Variants in BCKDHB observed in about 807,000 individuals in gnomAD.
The protein encoded by BCKDHB is 2-oxoisovalerate dehydrogenase subunit beta, mitochondrial.
Under a neutral mutation model 48.5 loss-of-function variants are expected in BCKDHB, and 41 were observed. That is an observed-to-expected ratio of 0.85 (90% CI 0.66 to 1.10). The LOEUF (loss-of-function observed/expected upper bound fraction) is 1.10, where lower values mean the gene tolerates loss of function less well. Among genes scored for constraint, BCKDHB ranks in the 50% least tolerant of loss-of-function variants. The pLI is 0.00. For synonymous variants in BCKDHB, 201 were observed against 174.8 expected (o/e 1.15, Z -1.18); for missense variants, 496 against 494.2 (o/e 1.00, Z -0.03).
intron 8 of BCKDHB, among the ~76,000 whole-genome samples, chr6:80,209,974 T>A (rs760083480): frequency 1.3e-5 from 2 of 151,972 alleles, no homozygotes; most frequent in African/African-American, 4.8e-5. Context: ...CTTGAAAAGG[T>A]ACACTAAGTG....
At chr6:80,447,690 T>A in the BCKDHB span, among the ~76,000 whole-genome samples, 3 of 152,138 alleles carry the variant, frequency 2.0e-5, no homozygotes, top group African/African-American at 7.2e-5. Context: ...TTTGTGTAAA[T>A]AGAATTATAC....
At chr6:80,380,677 T>G in the BCKDHB span, among the ~76,000 whole-genome samples, 1 of 151,710 alleles carries the variant, frequency 6.6e-6, no homozygotes, top group Non-Finnish European at 1.5e-5. Flanking sequence ...TATTTGCAAA[T>G]TATTCCTCTG....
chr6:80,164,456 T>C (rs1772476295), intron 3 of BCKDHB, among the ~76,000 whole-genome samples: 1 of 152,180 alleles, frequency 6.6e-6, no homozygotes, highest in African/African-American at 2.4e-5. Context: ...TTAAAAATCA[T>C]AGTAGTTTCC....
rs577235918 is a variant in BCKDHB at position 80,189,976 on chromosome 6, T to TG, written c.743-10956dup. 5.7e-3 allele frequency among the ~76,000 whole-genome samples: 872 copies of TG among 152,278 alleles called. 10 individuals are homozygous for TG. Among genetic ancestry groups the TG allele is most frequent in the Non-Finnish European group, 7.3e-3 (497 of 68,000 alleles). On this transcript the variant is annotated intron_variant, in intron 6 of 9. Coordinates refer to ENST00000320393, the MANE Select transcript of BCKDHB (RefSeq NM_183050.4). ...TAGTTTCTGGCTATGTAAATAAACTTGGAGTTCTTCATTTTTTGTAGTATT... is the reference window on the plus strand; with the variant it reads ...TAGTTTCTGGCTATGTAAATAAACTTGGGAGTTCTTCATTTTTTGTAGTATT...
the BCKDHB span, among the ~76,000 whole-genome samples, chr6:80,414,513 C>T: frequency 6.6e-6 from 1 of 151,924 alleles, no homozygotes; most frequent in Non-Finnish European, 1.5e-5. Context: ...TATGGGTAGG[C>T]TGTTATCCCA....
At chr6:80,414,510 A>G in the BCKDHB span, among the ~76,000 whole-genome samples, 1 of 152,148 alleles carries the variant, frequency 6.6e-6, no homozygotes, top group Non-Finnish European at 1.5e-5. Flanking sequence ...GCATATGGGT[A>G]GGCTGTTATC....
chr6:80,327,404 A>G (rs1769086398), intron 9 of BCKDHB, among the ~76,000 whole-genome samples: 1 of 152,222 alleles, frequency 6.6e-6, no homozygotes, highest in African/African-American at 2.4e-5. Context: ...CCATTGTAAA[A>G]TCAAAAAATT....
the BCKDHB span, among the ~76,000 whole-genome samples, chr6:80,365,832 T>C: frequency 6.6e-6 from 1 of 152,206 alleles, no homozygotes; most frequent in African/African-American, 2.4e-5. Flanking sequence ...ACAATTTATG[T>C]TCCTCTGCTG....
Position 80,168,989 on chromosome 6 carries a change from CAG to C in BCKDHB, c.595_596del (p.Pro200Ter), listed in dbSNP as rs398124587. The stretch of plus-strand genomic sequence containing the variant: ...TGGTCATGGGGCTCTCTATCATTCT[CAG>C]AGTCCTGAAGCATTTTTTGCCCATT... ...CVGHGALYHS[Q>X]SPEAFFAHCP... On this transcript the variant is annotated frameshift_variant, in exon 5 of 10. Transcript: ENST00000320393. LOFTEE classifies it high-confidence loss of function. 72 of 1,614,064 alleles carry C rather than the reference CAG, an allele frequency of 4.5e-5. No individual in the cohort carries two copies. Among genetic ancestry groups the C allele is most frequent in the Non-Finnish European group, 5.9e-5 (70 of 1,180,016 alleles).
the BCKDHB span, among the ~76,000 whole-genome samples, chr6:80,411,740 C>T: frequency 6.6e-6 from 1 of 152,232 alleles, no homozygotes; most frequent in Non-Finnish European, 1.5e-5. Context: ...TAGCAGTGAG[C>T]AAGGCTCTGT....
intron 8 of BCKDHB, among the ~76,000 whole-genome samples, chr6:80,236,267 C>T (rs1776143108): frequency 6.6e-6 from 1 of 152,050 alleles, no homozygotes; most frequent in Non-Finnish European, 1.5e-5. Flanking sequence ...ATGCATATTC[C>T]CAGCTTAACC....
chr6:80,270,486 G>A (rs545877861), intron 8 of BCKDHB, among the ~76,000 whole-genome samples: 2 of 152,086 alleles, frequency 1.3e-5, no homozygotes, highest in East Asian at 1.9e-4. Context: ...CCATTTGTTT[G>A]TAGACAAGTG....
At chr6:80,405,825 C>T in the BCKDHB span, among the ~76,000 whole-genome samples, 7 of 152,076 alleles carry the variant, frequency 4.6e-5, no homozygotes, top group African/African-American at 1.4e-4. Flanking sequence ...CTTCCTTGCT[C>T]TCCATGTCCA....
At chr6:80,185,883 G>T (rs181276358) in intron 6 of BCKDHB, among the ~76,000 whole-genome samples, 1 of 152,252 alleles carries the variant, frequency 6.6e-6, no homozygotes, top group Non-Finnish European at 1.5e-5. Flanking sequence ...TTAGTGTGCT[G>T]GTTTTTTCGA....
chr6:80,123,647 C>A (rs1302327448), intron 1 of BCKDHB, among the ~76,000 whole-genome samples: 2 of 152,164 alleles, frequency 1.3e-5, no homozygotes, highest in Non-Finnish European at 2.9e-5. Context: ...AGGAATTTAT[C>A]CATTTCTTCT....
chr6:80,221,470 T>C (rs191889130), intron 8 of BCKDHB, among the ~76,000 whole-genome samples: 2 of 152,340 alleles, frequency 1.3e-5, no homozygotes, highest in East Asian at 3.9e-4. Flanking sequence ...ATAGGCAGCA[T>C]AATTTGTGTA....
intron 8 of BCKDHB, among the ~76,000 whole-genome samples, chr6:80,242,999 A>C (rs1449133419): frequency 6.6e-6 from 1 of 152,180 alleles, no homozygotes; most frequent in Non-Finnish European, 1.5e-5. Flanking sequence ...AAAGGATTCT[A>C]TCTCTCAATT....
chr6:80,447,288 A>G, the BCKDHB span, among the ~76,000 whole-genome samples: 8 of 152,074 alleles, frequency 5.3e-5, no homozygotes, highest in South Asian at 1.7e-3. Context: ...ATGTGAAAGA[A>G]GTGGATACTA....
At position 80,106,827 on chromosome 6, in the gene BCKDHB, C is replaced by A; in HGVS notation, c.134C>A (p.Ala45Glu). 6.2e-7 allele frequency: 1 copy of A among 1,609,172 alleles called. No individual in the cohort carries two copies. The highest frequency in any genetic ancestry group is 1.1e-5 in the South Asian group (1 of 90,352). Residue 45 changes from alanine to glutamate, a missense_variant, in exon 1 of 10, where the codon GCG (alanine) becomes GAG (glutamate). Coordinates refer to ENST00000320393, the MANE Select transcript of BCKDHB (RefSeq NM_183050.4). ...CACCCCGCCGCGACTGTCGAGGATG[C>A]GGCCCAGAGGCGGCAGGTGGCTCAT... Reference protein sequence around the residue: ...FLHPAATVEDAAQRRQVAHFT... With the variant: ...FLHPAATVEDEAQRRQVAHFT...
Sources: allele counts gnomAD v4.1 joint callset (sites outside exome capture counted in the v4.1 genomes callset), GRCh38; gene constraint gnomAD v4.1.1; transcripts MANE v1.5; gene names NCBI Gene and HGNC (gene_info 2026-07-23, HGNC 2026-07-21).